Variants in SEMA5A observed in about 807,000 individuals in gnomAD.
SEMA5A encodes the protein semaphorin-5A.
A neutral mutation model predicts 135.5 loss-of-function variants in SEMA5A; 55 were observed. The observed-to-expected ratio is 0.41, with a 90% CI of 0.33 to 0.51. The LOEUF (loss-of-function observed/expected upper bound fraction) is 0.51, where lower values mean the gene tolerates loss of function less well. Ranked by LOEUF, SEMA5A falls within the 20% of genes least tolerant of loss-of-function variation. The probability of loss-of-function intolerance (pLI) is 0.37; values close to 1 mark genes in which losing one functional copy is unlikely to be tolerated. For synonymous variants in SEMA5A, 580 were observed against 546.5 expected, an observed-to-expected ratio of 1.06 and a Z score of -0.85; for missense variants, 1,290 against 1,419.9, an observed-to-expected ratio of 0.91 and a Z score of 1.47.
intron 16 of SEMA5A, among the ~76,000 whole-genome samples, chr5:9,082,345 C>T (rs1000118262): frequency 1.3e-5 from 2 of 152,164 alleles, no homozygotes; most frequent in African/African-American, 4.8e-5. Context: ...AAAATATCCA[C>T]CTCCTTTAAC....
At position 9,038,358 on chromosome 5, in the gene SEMA5A, C is replaced by A. The variant is rs929739851; in HGVS notation, c.*4539G>T. ...TGCCTCTGGTTCTGTGTTCCAGAGC[C>A]ATCTCTTGAGATAGAAATGCTGAGG... On this transcript the variant is annotated 3_prime_UTR_variant, in exon 23 of 23. Transcript: ENST00000382496. 2 of 152,148 alleles carry A rather than the reference C, an allele frequency of 1.3e-5. No individual in the cohort carries two copies. The highest frequency in any genetic ancestry group is 2.9e-5 in the Non-Finnish European group (2 of 68,036). The allele number at this position is 152,148 out of a possible 1,614,324, so 9.4% of individuals were successfully genotyped here. A position where few individuals can be genotyped will look rare whatever the true frequency, so the allele number is the denominator to read the frequency against.
intron 1 of SEMA5A, among the ~76,000 whole-genome samples, chr5:9,440,667 T>G (rs1431090771): frequency 1.3e-5 from 2 of 152,230 alleles, no homozygotes; most frequent in Non-Finnish European, 2.9e-5. Flanking sequence ...TGGAACTACA[T>G]GAAGAAGATT....
intron 1 of SEMA5A, among the ~76,000 whole-genome samples, chr5:9,445,055 G>A (rs1021498803): frequency 8.5e-5 from 13 of 152,184 alleles, no homozygotes; most frequent in South Asian, 4.1e-4. Flanking sequence ...CAATCAGATC[G>A]TTATAGATAT....
intron 1 of SEMA5A, among the ~76,000 whole-genome samples, chr5:9,490,429 T>C (rs1260037516): frequency 1.3e-5 from 2 of 152,160 alleles, no homozygotes; most frequent in African/African-American, 2.4e-5. Flanking sequence ...ATAGGATCCA[T>C]TATTTTTCTC....
At chr5:9,534,407 T>A (rs1225743585) in intron 1 of SEMA5A, among the ~76,000 whole-genome samples, 3 of 152,326 alleles carry the variant, frequency 2.0e-5, no homozygotes, top group Admixed American at 1.3e-4. Context: ...TGAAAAACAC[T>A]TAGCAACAAA....
intron 1 of SEMA5A, among the ~76,000 whole-genome samples, chr5:9,533,499 T>C (rs1028354366): frequency 2.0e-5 from 3 of 152,232 alleles, no homozygotes; most frequent in African/African-American, 7.2e-5. Flanking sequence ...GTATAAAATA[T>C]TCATCTAAAA....
chr5:9,272,585 G>A (rs1466130658), intron 5 of SEMA5A, among the ~76,000 whole-genome samples: 1 of 152,166 alleles, frequency 6.6e-6, no homozygotes, highest in Non-Finnish European at 1.5e-5. Context: ...TCCCAGTAGG[G>A]GCCGACAGAC....
At chr5:9,408,078 C>T (rs894993889) in intron 2 of SEMA5A, among the ~76,000 whole-genome samples, 2 of 151,960 alleles carry the variant, frequency 1.3e-5, no homozygotes, top group Non-Finnish European at 2.9e-5. Context: ...CACCACACCA[C>T]AATCACTACC....
At chr5:9,184,536 C>T (rs946770840) in intron 11 of SEMA5A, among the ~76,000 whole-genome samples, 1 of 152,164 alleles carries the variant, frequency 6.6e-6, no homozygotes, top group African/African-American at 2.4e-5. Flanking sequence ...AAAACCTTAT[C>T]TTTTATTTCT....
At chr5:9,051,649 G>T (rs986676922) in intron 20 of SEMA5A, among the ~76,000 whole-genome samples, 2 of 152,106 alleles carry the variant, frequency 1.3e-5, no homozygotes, top group African/African-American at 4.8e-5. Flanking sequence ...TTGATAAACT[G>T]CAAAAGACAC....
intron 16 of SEMA5A, among the ~76,000 whole-genome samples, chr5:9,078,445 G>C (rs1464806185): frequency 2.0e-5 from 3 of 152,020 alleles, no homozygotes; most frequent in Admixed American, 1.3e-4. Flanking sequence ...TGTTATTTAA[G>C]ATTAAGGTTT....
chr5:9,332,169 T>A (rs7702187), intron 4 of SEMA5A, among the ~76,000 whole-genome samples: 106,986 of 151,576 alleles, frequency 0.71, 40,229 homozygotes, highest in Non-Finnish European at 0.84. Flanking sequence ...TATGGACTGG[T>A]GCTTACATCA....
At chr5:9,502,955 C>T (rs1429122504) in intron 1 of SEMA5A, among the ~76,000 whole-genome samples, 1 of 152,174 alleles carries the variant, frequency 6.6e-6, no homozygotes, top group Non-Finnish European at 1.5e-5. Context: ...GCACATTAAA[C>T]CTGGACTCAA....
intron 1 of SEMA5A, among the ~76,000 whole-genome samples, chr5:9,448,054 C>T (rs1046243323): frequency 1.2e-4 from 18 of 152,194 alleles, no homozygotes; most frequent in African/African-American, 4.3e-4. Context: ...GCTGGGGAAG[C>T]AGATGCACTT....
At chr5:9,290,331 A>G (rs1439866307) in intron 5 of SEMA5A, among the ~76,000 whole-genome samples, 1 of 152,158 alleles carries the variant, frequency 6.6e-6, no homozygotes, top group East Asian at 1.9e-4. Flanking sequence ...GAGTTACTTC[A>G]CTTAGAATAA....
At chr5:9,535,469 C>T (rs564601489) in intron 1 of SEMA5A, among the ~76,000 whole-genome samples, 4 of 152,224 alleles carry the variant, frequency 2.6e-5, no homozygotes, top group South Asian at 4.1e-4. Context: ...CTCACCTCCA[C>T]TCTCCCAACC....
chr5:9,119,003 C>T lies in SEMA5A; in HGVS notation c.1920G>A (p.Glu640=), dbSNP rs780697582. 1.9e-6 allele frequency: 3 copies of T among 1,612,862 alleles called. No individual in the cohort carries two copies. In the Admixed American group the frequency reaches 5.0e-5, roughly 27 times the overall value. ...GCAGCAGGGTGGGCACGTACCTTTC[C>T]TCGCGGTTCTGTCCCACGCACACCC... ...GGRVCVGQNR[E]ERYCNEHLLC... The change falls in exon 15 of 23, where the codon GAG becomes GAA. Residue 640 remains glutamate, a synonymous_variant. Coordinates refer to ENST00000382496, the MANE Select transcript of SEMA5A (RefSeq NM_003966.3).
chr5:9,350,307 T>A (rs536222340), intron 3 of SEMA5A, among the ~76,000 whole-genome samples: 1 of 152,198 alleles, frequency 6.6e-6, no homozygotes, highest in Non-Finnish European at 1.5e-5. Flanking sequence ...AACTTTTTTC[T>A]CGGGAACCGT....
chr5:9,463,449 T>G (rs1759133988), intron 1 of SEMA5A, among the ~76,000 whole-genome samples: 1 of 152,186 alleles, frequency 6.6e-6, no homozygotes, highest in South Asian at 2.1e-4. Context: ...CAAGTTAGTT[T>G]TTTTTTTATT....
Sources: gnomAD v4.1 joint callset for allele counts (sites outside exome capture counted in the v4.1 genomes callset) on GRCh38, gnomAD v4.1.1 for gene constraint, MANE v1.5 for transcripts, NCBI Gene and HGNC (gene_info 2026-07-23, HGNC 2026-07-21) for gene names.